PRSS23: variants seen among roughly 807,000 people sequenced by gnomAD.
PRSS23 encodes serine protease 23.
PRSS23 carries 25 observed loss-of-function variants against 34.7 expected under a neutral mutation model. That is an observed-to-expected ratio of 0.72 (90% CI 0.53 to 1.01). The LOEUF (loss-of-function observed/expected upper bound fraction) is 1.01. PRSS23 is among the 50% of genes least tolerant of loss of function. The pLI, the probability that PRSS23 is intolerant of heterozygous loss-of-function variation, is 0.00. For synonymous variants in PRSS23, 176 were observed against 186.6 expected, an observed-to-expected ratio of 0.94 and a Z score of 0.46; for missense variants, 445 against 475.6, an observed-to-expected ratio of 0.94 and a Z score of 0.60.
intron 2 of PRSS23, among the ~76,000 whole-genome samples, chr11:86,882,436 C>G (rs1948777717): frequency 6.6e-6 from 1 of 152,166 alleles, no homozygotes. Flanking sequence ...TTAGCTCCCA[C>G]TTGTAAGCAA....
At chr11:86,948,393 G>T (rs941260907) in intron 2 of PRSS23, 21 of 151,944 alleles carry the variant, frequency 1.4e-4, no homozygotes, top group African/African-American at 4.8e-4. Flanking sequence ...TAAAATAACT[G>T]ATTTTTTTAA....
chr11:86,821,726 C>CT, intron 1 of PRSS23: 1 of 1,406,600 alleles, frequency 7.1e-7, no homozygotes, highest in Non-Finnish European at 9.8e-7. Flanking sequence ...AGTGTACTGT[C>CT]TATTTCTTCA....
intron 1 of PRSS23, among the ~76,000 whole-genome samples, chr11:86,820,423 G>A (rs1000168492): frequency 1.3e-5 from 2 of 152,178 alleles, no homozygotes; most frequent in Non-Finnish European, 2.9e-5. Flanking sequence ...AAGGTTAAGG[G>A]AAATGAGGAG....
chr11:86,805,647 C>A (rs1044548113), intron 1 of PRSS23, among the ~76,000 whole-genome samples: 1 of 152,074 alleles, frequency 6.6e-6, no homozygotes, highest in African/African-American at 2.4e-5. Context: ...TTCTCCCTGA[C>A]TGAAGTGGAA....
chr11:86,858,618 T>A (rs1948590022), intron 2 of PRSS23, among the ~76,000 whole-genome samples: 1 of 151,776 alleles, frequency 6.6e-6, no homozygotes, highest in African/African-American at 2.4e-5. Context: ...GAGAGGATGA[T>A]ATTACTCCCA....
At chr11:86,845,595 T>C (rs1948480526) in intron 2 of PRSS23, among the ~76,000 whole-genome samples, 1 of 152,176 alleles carries the variant, frequency 6.6e-6, no homozygotes, top group Non-Finnish European at 1.5e-5. Context: ...CAGAAAGCTG[T>C]GAAACTCACT....
At chr11:86,812,380 G>A (rs1182883537), downstream of PRSS23, among the ~76,000 whole-genome samples, 5 of 152,170 alleles carry the variant, frequency 3.3e-5, no homozygotes, top group African/African-American at 1.2e-4. Context: ...ATGGGGTGGG[G>A]TCATCGTACA....
chr11:86,895,311 T>C (rs1468633623), intron 2 of PRSS23, among the ~76,000 whole-genome samples: 2 of 152,062 alleles, frequency 1.3e-5, no homozygotes, highest in African/African-American at 4.8e-5. Context: ...GGCTTCTGCT[T>C]TCACCTTCAC....
chr11:86,906,253 C>T (rs1948941364), intron 2 of PRSS23, among the ~76,000 whole-genome samples: 1 of 152,232 alleles, frequency 6.6e-6, no homozygotes. Flanking sequence ...CGGGCCTTCT[C>T]CACCCTTGTG....
chr11:86,833,221 T>A, intron 2 of PRSS23: 1 of 1,480,442 alleles, frequency 6.8e-7, no homozygotes, highest in East Asian at 2.3e-5. Context: ...CACAATCATC[T>A]TGGGGACCGT....
intron 2 of PRSS23, among the ~76,000 whole-genome samples, chr11:86,902,255 C>A (rs1264222395): frequency 1.3e-5 from 2 of 152,190 alleles, no homozygotes; most frequent in African/African-American, 2.4e-5. Context: ...TCCCCTAAAA[C>A]CTTATCTATT....
chr11:86,855,899 C>T (rs4594022), intron 2 of PRSS23, among the ~76,000 whole-genome samples: 59,654 of 152,042 alleles, frequency 0.39, 12,155 homozygotes, highest in African/African-American at 0.49. Flanking sequence ...TGCAATCTCA[C>T]CCATTTCTGC....
chr11:86,950,326 T>C (rs573091130), intron 2 of PRSS23: 1 of 152,810 alleles, frequency 6.5e-6, no homozygotes, highest in African/African-American at 2.4e-5. Context: ...TGTCAGAAAG[T>C]GAATCACCCT....
chr11:86,808,902 G>A lies in PRSS23; in HGVS notation c.*107G>A. ...TGCACACGTGTGTGTGTGTGTGTGT[G>A]TGTGTGTAAGGTGTCTTATAATCTT... On this transcript the variant is annotated 3_prime_UTR_variant, in exon 2 of 2. Coordinates refer to ENST00000280258, the MANE Select transcript of PRSS23 (RefSeq NM_007173.6). 1.1e-6 allele frequency: 1 copy of A among 922,206 alleles called. No individual in the cohort carries two copies. Among genetic ancestry groups the A allele is most frequent in the Non-Finnish European group, 1.7e-6 (1 of 596,242 alleles). 57.1% of individuals were successfully genotyped at this position (922,206 alleles called of 1,614,324 possible). A position where few individuals can be genotyped will look rare whatever the true frequency, so the allele number is the denominator to read the frequency against.
intron 2 of PRSS23, among the ~76,000 whole-genome samples, chr11:86,895,626 C>T (rs1477721499): frequency 6.6e-6 from 1 of 151,856 alleles, no homozygotes; most frequent in African/African-American, 2.4e-5. Flanking sequence ...ACCACAAGCA[C>T]ATACTACCAT....
chr11:86,823,358 T>G (rs1948268068), intron 1 of PRSS23: 2 of 700,826 alleles, frequency 2.9e-6, no homozygotes, highest in African/African-American at 3.5e-5. Context: ...TTGCTGTCTC[T>G]GTGTTTCATC....
Position 86,807,899 on chromosome 11 carries a change from T to A in PRSS23, c.256T>A (p.Ser86Thr), listed in dbSNP as rs753818867. The part of the protein sequence containing the change: ...PTYEEAKQYL[S>T]YETLYANGSR... The stretch of plus-strand genomic sequence containing the variant: ...TTACGAAGAGGCCAAGCAATATCTG[T>A]CTTATGAAACGCTCTATGCCAATGG... The change falls in exon 2 of 2, where the codon TCT becomes ACT. Residue 86 changes from serine (S) to threonine (T), a missense_variant. Ser to Thr is a moderately conservative substitution (Grantham distance 58). Transcript: ENST00000280258. 4.3e-6 allele frequency: 7 copies of A among 1,613,950 alleles called. No homozygotes were observed. The highest frequency in any genetic ancestry group is 5.9e-6 in the Non-Finnish European group (7 of 1,180,032).
chr11:86,867,130 G>A (rs1948654683), intron 2 of PRSS23, among the ~76,000 whole-genome samples: 2 of 152,186 alleles, frequency 1.3e-5, no homozygotes, highest in South Asian at 2.1e-4. Context: ...GAGCAGAAAT[G>A]TCTTCACATA....
intron 2 of PRSS23, chr11:86,836,701 T>G (rs1948408266): frequency 6.6e-6 from 1 of 152,140 alleles, no homozygotes; most frequent in African/African-American, 2.4e-5. Context: ...AGAGTAAGAC[T>G]GAGAAGGCCG....
Sources: gnomAD v4.1 joint callset for allele counts (sites outside exome capture counted in the v4.1 genomes callset) on GRCh38, gnomAD v4.1.1 for gene constraint, MANE v1.5 for transcripts, NCBI Gene and HGNC (gene_info 2026-07-23, HGNC 2026-07-21) for gene names.